The following SLC4A8 variants were observed in gnomAD, a reference collection of about 807,000 sequenced individuals.
SLC4A8 encodes the protein electroneutral sodium bicarbonate exchanger 1.
A neutral mutation model predicts 125.0 loss-of-function variants in SLC4A8; 40 were observed. The ratio of observed to expected loss-of-function variants is 0.32; its 90% CI spans 0.25 to 0.42. The LOEUF is 0.42. Among genes scored for constraint, SLC4A8 ranks in the 10% least tolerant of loss-of-function variants. The pLI, the probability that SLC4A8 is intolerant of heterozygous loss-of-function variation, is 1.00. For synonymous variants in SLC4A8, 456 were observed against 476.0 expected (o/e 0.96, Z 0.55); for missense variants, 863 against 1,355.1 (o/e 0.64, Z 5.70).
chr12:51,487,619 A>C (rs1283307054), intron 17 of SLC4A8, among the ~76,000 whole-genome samples: 1 of 152,184 alleles, frequency 6.6e-6, no homozygotes, highest in Non-Finnish European at 1.5e-5. Context: ...CTCAGAGTAC[A>C]CTGCAGGGGT....
At chr12:51,412,621 G>C (rs1487727149) in intron 1 of SLC4A8, among the ~76,000 whole-genome samples, 1 of 152,050 alleles carries the variant, frequency 6.6e-6, no homozygotes, top group Non-Finnish European at 1.5e-5. Flanking sequence ...CTATCATACT[G>C]CTCTCTACTT....
In SLC4A8 at chr12:51,477,578, C is replaced by T. The variant is rs116338449; in HGVS notation, c.2172+2372C>T. ...GAGGAATTCTCTATTTCTCAGCAGTCGTTTCCCCAAAAAGTATAATGTTTA... is the reference window on the plus strand; with the variant it reads ...GAGGAATTCTCTATTTCTCAGCAGTTGTTTCCCCAAAAAGTATAATGTTTA... On this transcript the variant is annotated intron_variant, in intron 16 of 24. Transcript: ENST00000453097. 1.9e-3 allele frequency among the ~76,000 whole-genome samples: 286 copies of T among 152,270 alleles called. 1 individual carries two copies. Among genetic ancestry groups the T allele is most frequent in the African/African-American group, 6.6e-3 (273 of 41,548 alleles).
At chr12:51,458,758 C>T (rs1029671711) in intron 7 of SLC4A8, 108 bp downstream of exon 7, 4 of 747,174 alleles carry the variant, frequency 5.4e-6, no homozygotes, top group African/African-American at 1.8e-5. Context: ...AAGACTCTTT[C>T]CCTAAGACTA....
intron 1 of SLC4A8, among the ~76,000 whole-genome samples, chr12:51,393,044 T>C: frequency 8.4e-6 from 1 of 119,588 alleles, no homozygotes; most frequent in East Asian, 2.8e-4. Flanking sequence ...TCTTTTTTCT[T>C]TCTTTCTTAC....
intron 1 of SLC4A8, among the ~76,000 whole-genome samples, chr12:51,404,075 A>T (rs548540863): frequency 6.6e-6 from 1 of 152,294 alleles, no homozygotes; most frequent in African/African-American, 2.4e-5. Context: ...GTGAAGTCAG[A>T]CTTGTGAGCA....
intron 1 of SLC4A8, among the ~76,000 whole-genome samples, chr12:51,394,914 A>G (rs777977931): frequency 5.3e-5 from 8 of 152,212 alleles, no homozygotes; most frequent in Non-Finnish European, 1.0e-4. Flanking sequence ...CTGTGGTCCC[A>G]GTTACTTCGG....
chr12:51,420,582 C>A (rs1241437200), upstream of SLC4A8, among the ~76,000 whole-genome samples: 2 of 152,134 alleles, frequency 1.3e-5, no homozygotes, highest in Non-Finnish European at 2.9e-5. Context: ...GTTTACTTAT[C>A]TGAAAAAGAG....
intron 1 of SLC4A8, among the ~76,000 whole-genome samples, chr12:51,398,838 CT>C (rs1443338736): frequency 1.3e-5 from 2 of 152,200 alleles, no homozygotes; most frequent in African/African-American, 4.8e-5. Flanking sequence ...CAATCTCTGC[CT>C]CCCGGGTTCA....
At chr12:51,424,052 AAC>A (rs1948869359), upstream of SLC4A8, among the ~76,000 whole-genome samples, 3 of 46,852 alleles carry the variant, frequency 6.4e-5, no homozygotes, top group Non-Finnish European at 1.1e-4. Context: ...AAAAAAAAAA[AAC>A]AAAAAAAACA....
Position 51,469,608 on chromosome 12 carries a change from C to G in SLC4A8, c.1350-6C>G. The G allele has an allele frequency of 6.2e-7, 1 of 1,612,330 alleles. No individual in the cohort carries two copies. Among genetic ancestry groups the G allele is most frequent in the South Asian group, 1.1e-5 (1 of 90,960 alleles). On this transcript the variant is annotated splice_polypyrimidine_tract_variant and splice_region_variant and intron_variant, in intron 11 of 24. Transcript: ENST00000453097. ...TGTTAGAAGCCTGTCTGTTGTGTTT[C>G]CACAGGCTATTTGGGGGCTTGGTGC... is the stretch of plus-strand genomic sequence containing the variant.
At chr12:51,479,931 A>C (rs1279682862) in intron 16 of SLC4A8, 4 of 399,728 alleles carry the variant, frequency 1.0e-5, no homozygotes, top group African/African-American at 2.2e-5. Flanking sequence ...CACGAAACAG[A>C]GGGCTGTTTC....
chr12:51,491,476 G>GA, intron 19 of SLC4A8, among the ~76,000 whole-genome samples: 1 of 152,160 alleles, frequency 6.6e-6, no homozygotes, highest in South Asian at 2.1e-4. Flanking sequence ...CAAGAAAGAG[G>GA]GATTGGGTAG....
chr12:51,446,993 A>G (rs1949789519), intron 2 of SLC4A8, among the ~76,000 whole-genome samples: 2 of 152,222 alleles, frequency 1.3e-5, no homozygotes, highest in South Asian at 4.1e-4. Flanking sequence ...AAATAAGTAC[A>G]TGAGAACAGC....
chr12:51,449,005 G>A (rs1949878309), intron 2 of SLC4A8, among the ~76,000 whole-genome samples: 1 of 152,252 alleles, frequency 6.6e-6, no homozygotes, highest in Non-Finnish European at 1.5e-5. Flanking sequence ...AGGAGAGACT[G>A]AGGATAACAG....
intron 22 of SLC4A8, chr12:51,497,558 TCC>T: frequency 6.3e-6 from 1 of 157,620 alleles, no homozygotes; most frequent in South Asian, 1.9e-4. Flanking sequence ...TTTTTTCATT[TCC>T]CTCAGCACTT....
intron 16 of SLC4A8, among the ~76,000 whole-genome samples, chr12:51,476,339 G>A (rs931266206): frequency 1.7e-4 from 26 of 152,066 alleles, no homozygotes; most frequent in African/African-American, 6.0e-4. Flanking sequence ...AAGTTAGTTG[G>A]GCATGGTAGC....
At chr12:51,394,381 A>T (rs1195888861) in intron 1 of SLC4A8, among the ~76,000 whole-genome samples, 1 of 152,212 alleles carries the variant, frequency 6.6e-6, no homozygotes, top group Non-Finnish European at 1.5e-5. Flanking sequence ...ACCCACCCCT[A>T]ATGTGTCATG....
intron 14 of SLC4A8, 141 bp from the exon 15 acceptor site, chr12:51,474,201 A>ATCTC: frequency 3.8e-6 from 2 of 520,582 alleles, no homozygotes; most frequent in South Asian, 3.6e-5. Flanking sequence ...GGGCCTACAG[A>ATCTC]GGGGCCTCAG....
intron 1 of SLC4A8, among the ~76,000 whole-genome samples, chr12:51,427,952 C>T (rs1949053846): frequency 6.6e-6 from 1 of 152,130 alleles, no homozygotes; most frequent in South Asian, 2.1e-4. Flanking sequence ...GAATAAAATC[C>T]AAACTCTTTA....
Sources: allele counts gnomAD v4.1 joint callset (sites outside exome capture counted in the v4.1 genomes callset), GRCh38; gene constraint gnomAD v4.1.1; transcripts MANE v1.5; gene names NCBI Gene and HGNC (gene_info 2026-07-23, HGNC 2026-07-21).